Variants in TTC39B observed in about 807,000 individuals in gnomAD.
The protein encoded by TTC39B is tetratricopeptide repeat domain 39B.
Under a neutral mutation model 96.6 loss-of-function variants are expected in TTC39B, and 92 were observed. The ratio of observed to expected loss-of-function variants is 0.95; its 90% CI spans 0.80 to 1.13. TTC39B has a LOEUF of 1.13. Ranked by LOEUF, TTC39B falls within the 50% of genes most tolerant of loss-of-function variation. TTC39B has a pLI of 0.00. For synonymous variants in TTC39B, 367 were observed against 299.4 expected (o/e 1.23, Z -2.33); for missense variants, 955 against 809.3 (o/e 1.18, Z -2.18).
At chr9:15,223,005 G>A (rs200251278) in intron 3 of TTC39B, among the ~76,000 whole-genome samples, 1 of 152,110 alleles carries the variant, frequency 6.6e-6, no homozygotes, top group East Asian at 1.9e-4. Context: ...ATTTTTCCAG[G>A]GACCTTAACA....
intron 1 of TTC39B, among the ~76,000 whole-genome samples, chr9:15,275,993 T>C (rs1382103319): frequency 6.6e-6 from 1 of 152,212 alleles, no homozygotes; most frequent in African/African-American, 2.4e-5. Flanking sequence ...AATGCTGATA[T>C]ATAAATACCA....
intron 2 of TTC39B, among the ~76,000 whole-genome samples, chr9:15,240,023 TA>T (rs953857277): frequency 6.6e-6 from 1 of 152,132 alleles, no homozygotes; most frequent in South Asian, 2.1e-4. Context: ...TCTTTCTTAC[TA>T]AAAAAAACTG....
intron 3 of TTC39B, among the ~76,000 whole-genome samples, chr9:15,216,696 C>T (rs1308392633): frequency 6.6e-6 from 1 of 152,176 alleles, no homozygotes; most frequent in Non-Finnish European, 1.5e-5. Flanking sequence ...CCATCGCCTA[C>T]CTCTGTCCCC....
chr9:15,205,443 G>C (rs1819790362), intron 6 of TTC39B, among the ~76,000 whole-genome samples: 1 of 151,384 alleles, frequency 6.6e-6, no homozygotes, highest in Admixed American at 6.6e-5. Flanking sequence ...ATTGGTTCAA[G>C]TTCCTGCCAT....
At chr9:15,305,065 G>A (rs1470676882) in intron 1 of TTC39B, among the ~76,000 whole-genome samples, 1 of 152,012 alleles carries the variant, frequency 6.6e-6, no homozygotes, top group Non-Finnish European at 1.5e-5. Context: ...CTTCCTAGCT[G>A]AAATAAGCTA....
intron 1 of TTC39B, 128 bp from the exon 2 acceptor site, chr9:15,268,076 G>C (rs766568406): frequency 8.7e-6 from 6 of 692,054 alleles, no homozygotes; most frequent in East Asian, 2.7e-5. Flanking sequence ...GCAGGCAGTA[G>C]AATCAATCAA....
chr9:15,299,306 G>C (rs1315361686), intron 1 of TTC39B, among the ~76,000 whole-genome samples: 6 of 152,162 alleles, frequency 3.9e-5, no homozygotes, highest in South Asian at 4.1e-4. Flanking sequence ...GCAGTACCAA[G>C]GGGACACATC....
At chr9:15,188,909 T>C (rs1177168530) in intron 13 of TTC39B, among the ~76,000 whole-genome samples, 1 of 152,160 alleles carries the variant, frequency 6.6e-6, no homozygotes, top group East Asian at 1.9e-4. Context: ...CACAACAGTT[T>C]GTAGTGGCCA....
chr9:15,250,278 T>C, intron 2 of TTC39B: 9 of 908,662 alleles, frequency 9.9e-6, no homozygotes, highest in Non-Finnish European at 1.2e-5. Context: ...CTAATTCTAA[T>C]CCATCACTGT....
intron 1 of TTC39B, among the ~76,000 whole-genome samples, chr9:15,270,615 G>GAAA (rs532561275): frequency 8.3e-6 from 1 of 120,126 alleles, no homozygotes. Flanking sequence ...ATCAAAAAAA[G>GAAA]AAAAAAAAAA....
chr9:15,208,274 C>T (rs1367060829), intron 6 of TTC39B, among the ~76,000 whole-genome samples: 1 of 151,942 alleles, frequency 6.6e-6, no homozygotes, highest in Non-Finnish European at 1.5e-5. Context: ...CCACCCGCCT[C>T]GGCCTCCCAA....
chr9:15,234,032 CCT>C (rs1821615299), intron 2 of TTC39B, among the ~76,000 whole-genome samples: 1 of 128,630 alleles, frequency 7.8e-6, no homozygotes, highest in African/African-American at 3.6e-5. Context: ...GTGAGGAGCG[CCT>C]CTGACCCGCC....
chr9:15,262,545 T>C (rs974745037), intron 2 of TTC39B, among the ~76,000 whole-genome samples: 1 of 152,198 alleles, frequency 6.6e-6, no homozygotes. Context: ...TTTTGTGTTA[T>C]TTTAACTATT....
intron 1 of TTC39B, among the ~76,000 whole-genome samples, chr9:15,285,697 A>G (rs903854608): frequency 1.3e-5 from 2 of 152,144 alleles, no homozygotes; most frequent in Non-Finnish European, 2.9e-5. Context: ...TACTAAAAAT[A>G]CAAAAAAATT....
rs557942774 is a variant in TTC39B at position 15,252,158 on chromosome 9, G to A, written c.275+15756C>T. 5.9e-5 allele frequency among the ~76,000 whole-genome samples: 9 copies of A among 152,258 alleles called. No homozygotes were observed. In the South Asian group the frequency reaches 1.7e-3, roughly 28 times the overall value. On this transcript the variant is annotated intron_variant, in intron 2 of 19. Transcript: ENST00000512701. Reference sequence around the variant, plus strand: ...TGCAAGCCCAAATGCAAAATTATTAGTAAAGTACATTTCACACCTTCATTT... The same window carrying A: ...TGCAAGCCCAAATGCAAAATTATTAATAAAGTACATTTCACACCTTCATTT...
intron 3 of TTC39B, among the ~76,000 whole-genome samples, chr9:15,218,311 C>T (rs977758275): frequency 6.6e-6 from 1 of 152,238 alleles, no homozygotes; most frequent in African/African-American, 2.4e-5. Flanking sequence ...ATTCTCTAGC[C>T]TTGTGACCTT....
rs1335078289 is a variant in TTC39B, at chr9:15,188,310, T to G, written c.1234-178A>C. Among the ~76,000 whole-genome samples the G allele has an allele frequency of 2.0e-5, 3 of 152,224 alleles. No individual in the cohort carries two copies. The East Asian group carries it at 5.8e-4, about 29-fold the overall frequency. On this transcript the variant is annotated intron_variant, in intron 13 of 19. Transcript: ENST00000512701. ...AATGATACAGTTAAGTTCTGCCTCTTTCTTTAATTTTGTGAGAGGGCCTTG... is the reference window on the plus strand; with the variant it reads ...AATGATACAGTTAAGTTCTGCCTCTGTCTTTAATTTTGTGAGAGGGCCTTG...
exon 20 of TTC39B, chr9:15,166,069 G>A (rs1817512265): frequency 6.6e-6 from 1 of 152,166 alleles, no homozygotes; most frequent in South Asian, 2.1e-4. Flanking sequence ...CAATAAAACT[G>A]AAGGTGTCAC....
intron 18 of TTC39B, among the ~76,000 whole-genome samples, chr9:15,175,444 A>C (rs1051182309): frequency 6.6e-6 from 1 of 152,134 alleles, no homozygotes; most frequent in African/African-American, 2.4e-5. Context: ...TTCTGAACAC[A>C]AATGTGTTCA....
Sources: allele counts gnomAD v4.1 joint callset (sites outside exome capture counted in the v4.1 genomes callset), GRCh38; gene constraint gnomAD v4.1.1; transcripts MANE v1.5; gene names NCBI Gene and HGNC (gene_info 2026-07-23, HGNC 2026-07-21).